The following STK32B variants were observed in gnomAD, a reference collection of about 807,000 sequenced individuals.
The protein encoded by STK32B is serine/threonine kinase 32B, also known as serine/threonine-protein kinase 32B.
Under a neutral mutation model 52.6 loss-of-function variants are expected in STK32B, and 43 were observed. The observed-to-expected ratio is 0.82, with a 90% CI of 0.64 to 1.05. The LOEUF (loss-of-function observed/expected upper bound fraction) is 1.05, where lower values mean the gene tolerates loss of function less well. Among genes scored for constraint, STK32B ranks in the 50% least tolerant of loss-of-function variants. The pLI, the probability that STK32B is intolerant of heterozygous loss-of-function variation, is 0.00. For missense variants in STK32B, 621 were observed against 534.6 expected (o/e 1.16, Z -1.59); for synonymous variants, 238 against 204.3 (o/e 1.17, Z -1.41).
chr4:5,019,487 G>T, the STK32B span: 1 of 1,434,294 alleles, frequency 7.0e-7, no homozygotes. Context: ...GCCCCTTTAT[G>T]CAGGCTGGGG....
At position 5,460,082 on chromosome 4, in the gene STK32B, T is replaced by G. The variant is rs764867736; in HGVS notation, c.784-21T>G. 13 of 1,614,046 alleles carry G rather than the reference T, an allele frequency of 8.1e-6. No homozygotes were observed. Among genetic ancestry groups the G allele is most frequent in the South Asian group, 2.2e-5 (2 of 91,082 alleles). On this transcript the variant is annotated intron_variant, in intron 8 of 11. Transcript: ENST00000282908. The surrounding 1 kb of genome is among the most constrained non-coding windows in gnomAD (Gnocchi z 4.8). The stretch of plus-strand genomic sequence containing the variant: ...TGAGGGATGCCCAATTCATGGAAAC[T>G]CATTTGCCCTCTAACTGCAGCTCCT...
At chr4:5,416,001 C>G (rs1329601395) in intron 5 of STK32B, among the ~76,000 whole-genome samples, 2 of 152,130 alleles carry the variant, frequency 1.3e-5, no homozygotes, top group African/African-American at 4.8e-5. Context: ...GGTGAAAATC[C>G]AGCCAGCCAT....
intron 3 of STK32B, among the ~76,000 whole-genome samples, chr4:5,218,182 C>T (rs964908845): frequency 2.0e-5 from 3 of 152,194 alleles, no homozygotes; most frequent in Middle Eastern, 3.4e-3. Context: ...GCTACTGGGC[C>T]GGCCAGACTC....
intron 3 of STK32B, among the ~76,000 whole-genome samples, chr4:5,225,052 G>A (rs1373500420): frequency 6.6e-6 from 1 of 152,156 alleles, no homozygotes; most frequent in Non-Finnish European, 1.5e-5. Flanking sequence ...GACCTCTTAT[G>A]CTGTTAAAAA....
chr4:5,026,621 G>A, the STK32B span, among the ~76,000 whole-genome samples: 1 of 152,154 alleles, frequency 6.6e-6, no homozygotes, highest in South Asian at 2.1e-4. Context: ...ACAATTCAAG[G>A]GGAGATTTGG....
At chr4:5,245,714 T>C (rs1207068673) in intron 3 of STK32B, among the ~76,000 whole-genome samples, 1 of 152,164 alleles carries the variant, frequency 6.6e-6, no homozygotes, top group East Asian at 1.9e-4. Context: ...CTGGTACCAG[T>C]TGTTCCTTTC....
intron 3 of STK32B, among the ~76,000 whole-genome samples, chr4:5,243,522 A>G (rs1725200268): frequency 1.3e-5 from 2 of 152,304 alleles, no homozygotes; most frequent in South Asian, 4.1e-4. Context: ...TGTCATCTGC[A>G]AACAGGGACA....
intron 3 of STK32B, among the ~76,000 whole-genome samples, chr4:5,301,686 C>G (rs1477136785): frequency 1.6e-5 from 2 of 123,334 alleles, no homozygotes; most frequent in Non-Finnish European, 3.4e-5. Context: ...TTTGGACAGT[C>G]TAGCTAAAGT....
chr4:5,433,555 G>T (rs760585160), intron 6 of STK32B, among the ~76,000 whole-genome samples: 7 of 152,080 alleles, frequency 4.6e-5, no homozygotes, highest in Admixed American at 4.6e-4. Context: ...TCCTCCATTC[G>T]GACTTGGCTT....
At chr4:5,239,539 G>A (rs191344816) in intron 3 of STK32B, among the ~76,000 whole-genome samples, 2 of 152,174 alleles carry the variant, frequency 1.3e-5, no homozygotes, top group African/African-American at 4.8e-5. Flanking sequence ...TGCGGGAGAT[G>A]CTGGGTCTGG....
intron 4 of STK32B, among the ~76,000 whole-genome samples, chr4:5,341,097 A>T (rs1733044553): frequency 6.6e-6 from 1 of 152,178 alleles, no homozygotes; most frequent in Non-Finnish European, 1.5e-5. Flanking sequence ...TGTTTACAGA[A>T]TGCTCATAGA....
chr4:5,444,688 G>A lies in STK32B; in HGVS notation c.563-1985G>A, dbSNP rs554184499. 9.4e-4 allele frequency among the ~76,000 whole-genome samples: 143 copies of A among 152,360 alleles called. 1 individual carries two copies. The highest frequency in any genetic ancestry group is 3.2e-3 in the African/African-American group (134 of 41,588). On this transcript the variant is annotated intron_variant, in intron 6 of 11. Coordinates refer to ENST00000282908, the MANE Select transcript of STK32B (RefSeq NM_018401.3). ...GTTAGTAATGCCTAATGTTCATGGA[G>A]CACTCACTACGGGCCAGGCATCCTG...
chr4:5,028,985 C>T, the STK32B span, among the ~76,000 whole-genome samples: 1 of 152,176 alleles, frequency 6.6e-6, no homozygotes, highest in Non-Finnish European at 1.5e-5. Flanking sequence ...AGGTGCCACA[C>T]ATTTTTAAAC....
rs1735865475 is a variant in STK32B, at chr4:5,380,369, C to G, written c.435-17838C>G. Among the ~76,000 whole-genome samples the G allele has an allele frequency of 6.6e-6, 1 of 152,134 alleles. No homozygotes were observed. The highest frequency in any genetic ancestry group is 6.5e-5 in the Admixed American group (1 of 15,286). On this transcript the variant is annotated intron_variant, in intron 4 of 11. Coordinates refer to ENST00000282908, the MANE Select transcript of STK32B (RefSeq NM_018401.3). The surrounding 1 kb of genome is among the most constrained non-coding windows in gnomAD (Gnocchi z 4.3). ...CAAGAGAATGCAAAAGGCCAGGCTT[C>G]TGCATTTAAAATTATACTATGAAAT...
chr4:5,292,510 G>C (rs2108885346), intron 3 of STK32B, among the ~76,000 whole-genome samples: 1 of 151,280 alleles, frequency 6.6e-6, no homozygotes, highest in Non-Finnish European at 1.5e-5. Flanking sequence ...TTGTTGATTT[G>C]TTTCAGTTCC....
intron 5 of STK32B, among the ~76,000 whole-genome samples, chr4:5,403,938 G>A (rs1737483044): frequency 6.6e-6 from 1 of 151,650 alleles, no homozygotes; most frequent in East Asian, 1.9e-4. Context: ...TCCCAAGACT[G>A]TAAGGATAAG....
At chr4:5,253,437 C>A (rs181811321) in intron 3 of STK32B, among the ~76,000 whole-genome samples, 1 of 152,090 alleles carries the variant, frequency 6.6e-6, no homozygotes, top group African/African-American at 2.4e-5. Flanking sequence ...TGCAGTGGCA[C>A]GATCTCAGCT....
intron 1 of STK32B, among the ~76,000 whole-genome samples, chr4:5,096,179 T>C (rs1468400749): frequency 6.6e-6 from 1 of 152,228 alleles, no homozygotes; most frequent in African/African-American, 2.4e-5. Flanking sequence ...AAATGTTGTT[T>C]AAAACACCAT....
intron 3 of STK32B, among the ~76,000 whole-genome samples, chr4:5,190,567 A>T (rs527268006): frequency 6.8e-4 from 103 of 152,304 alleles, no homozygotes; most frequent in African/African-American, 2.4e-3. Flanking sequence ...AGTACTGGTG[A>T]TGTATGCAGA....
Sources: gnomAD v4.1 joint callset for allele counts (sites outside exome capture counted in the v4.1 genomes callset) on GRCh38, gnomAD v4.1.1 for gene constraint, Gnocchi (gnomAD v3.1) non-coding constraint, MANE v1.5 for transcripts, NCBI Gene and HGNC (gene_info 2026-07-23, HGNC 2026-07-21) for gene names.